Variants in CNTNAP3B observed in about 807,000 individuals in gnomAD.
The protein encoded by CNTNAP3B is contactin-associated protein-like 3B.
In CNTNAP3B, 25 loss-of-function variants were observed where a neutral mutation model predicts 108.9. The observed-to-expected ratio is 0.23, with a 90% CI of 0.17 to 0.32. The LOEUF (loss-of-function observed/expected upper bound fraction) is 0.32, where lower values mean the gene tolerates loss of function less well. Among genes scored for constraint, CNTNAP3B ranks in the 10% least tolerant of loss-of-function variants. The pLI is 1.00. For synonymous variants in CNTNAP3B, 103 were observed against 473.4 expected, an observed-to-expected ratio of 0.22 and a Z score of 10.16; for missense variants, 252 against 1,210.4, an observed-to-expected ratio of 0.21 and a Z score of 11.75.
chr9:42,116,979 C>G (rs1211923147), intron 1 of CNTNAP3B, among the ~76,000 whole-genome samples: 1 of 139,464 alleles, frequency 7.2e-6, no homozygotes, highest in Non-Finnish European at 1.5e-5. Context: ...AGTTAAATAT[C>G]CTAAATATAT....
In CNTNAP3B at chr9:42,111,237, G is replaced by A. The variant is rs185303599; in HGVS notation, c.86-6498C>T. Among the ~76,000 whole-genome samples, 172 of 139,544 alleles carry A rather than the reference G, an allele frequency of 1.2e-3. 24 individuals are homozygous for A. The highest frequency in any genetic ancestry group is 1.9e-3 in the Non-Finnish European group (122 of 64,948). 91.5% of individuals were successfully genotyped at this position (139,544 alleles called of 152,430 possible). On this transcript the variant is annotated intron_variant, in intron 1 of 23. Coordinates refer to ENST00000377561, the MANE Select transcript of CNTNAP3B (RefSeq NM_001201380.3). The stretch of plus-strand genomic sequence containing the variant: ...AATAACAGCAGAACTTGGGACTTTC[G>A]GCTTGAACTCTTGGGAGAAATACCC...
At chr9:41,950,198 C>T (rs556013254) in intron 13 of CNTNAP3B, among the ~76,000 whole-genome samples, 2 of 85,972 alleles carry the variant, frequency 2.3e-5, no homozygotes, top group South Asian at 3.6e-4. Context: ...AAAGATATTA[C>T]TACACAGTTA....
intron 3 of CNTNAP3B, among the ~76,000 whole-genome samples, chr9:42,062,656 C>T (rs1032942435): frequency 8.5e-6 from 1 of 117,566 alleles, no homozygotes; most frequent in Non-Finnish European, 1.8e-5. Context: ...TTAGTTCATT[C>T]TTTTCTGGCT....
At chr9:41,953,142 C>G (rs781538606) in intron 13 of CNTNAP3B, 41 bp downstream of exon 13, 2 of 1,479,876 alleles carry the variant, frequency 1.4e-6, no homozygotes, top group Admixed American at 2.5e-5. Context: ...GGCCGCGCCC[C>G]GGCCTCGTGA....
intron 13 of CNTNAP3B, among the ~76,000 whole-genome samples, chr9:41,944,892 G>T (rs1256868807): frequency 4.0e-5 from 6 of 151,864 alleles, no homozygotes; most frequent in Admixed American, 3.9e-4. Context: ...CTAATATCCA[G>T]AATCTACACA....
At chr9:41,990,904 G>A (rs1250696615) in intron 8 of CNTNAP3B, among the ~76,000 whole-genome samples, 1 of 139,678 alleles carries the variant, frequency 7.2e-6, no homozygotes, top group East Asian at 2.2e-4. Flanking sequence ...AGGCCCTGAT[G>A]GGGAGTGGGG....
At chr9:41,939,033 G>A (rs1429350092) in intron 13 of CNTNAP3B, among the ~76,000 whole-genome samples, 2 of 152,268 alleles carry the variant, frequency 1.3e-5, no homozygotes, top group Non-Finnish European at 2.9e-5. Context: ...CAGCTCTGAC[G>A]AGTGCGCCTC....
intron 14 of CNTNAP3B, among the ~76,000 whole-genome samples, chr9:41,933,465 A>G (rs1430091887): frequency 1.4e-5 from 2 of 140,476 alleles, no homozygotes; most frequent in Admixed American, 7.1e-5. Flanking sequence ...ATTCTCTTGA[A>G]TAAGTTTTGT....
chr9:41,933,982 TCA>T (rs1369597422), intron 14 of CNTNAP3B, among the ~76,000 whole-genome samples: 131 of 137,052 alleles, frequency 9.6e-4, no homozygotes, highest in African/African-American at 3.5e-3. Context: ...GGCTGCTATA[TCA>T]AGTTTGTTAA....
In CNTNAP3B at chr9:41,938,665, A is replaced by C. The variant is rs1238572782; in HGVS notation, c.2081-265T>G. Among the ~76,000 whole-genome samples, 3 of 152,298 alleles carry C rather than the reference A, an allele frequency of 2.0e-5. No homozygotes were observed. In the East Asian group the frequency reaches 5.8e-4, roughly 29 times the overall value. On this transcript the variant is annotated intron_variant, in intron 13 of 23. Coordinates refer to ENST00000377561, the MANE Select transcript of CNTNAP3B (RefSeq NM_001201380.3). ...GAAATCAGTCAGTTGCACGTGATAC[A>C]TACTTTCTATAGAAATAACATTCAA...
chr9:42,033,265 AT>A (rs1365385793), intron 3 of CNTNAP3B, among the ~76,000 whole-genome samples: 2 of 149,566 alleles, frequency 1.3e-5, no homozygotes, highest in Non-Finnish European at 3.0e-5. Context: ...ACTGAAGGCA[AT>A]TTTGAGATAA....
chr9:42,067,042 G>C (rs896525741), intron 3 of CNTNAP3B, among the ~76,000 whole-genome samples: 1 of 152,140 alleles, frequency 6.6e-6, no homozygotes, highest in Non-Finnish European at 1.5e-5. Context: ...AGATTATGCG[G>C]TTTTGCATTG....
chr9:42,089,742 G>C (rs1409386655), intron 2 of CNTNAP3B, among the ~76,000 whole-genome samples: 1 of 147,062 alleles, frequency 6.8e-6, no homozygotes, highest in Non-Finnish European at 1.5e-5. Flanking sequence ...AGAAATATGA[G>C]GAGTGGAGGG....
intron 3 of CNTNAP3B, among the ~76,000 whole-genome samples, chr9:42,071,862 C>A (rs1400609154): frequency 4.7e-5 from 7 of 150,404 alleles, no homozygotes; most frequent in East Asian, 2.0e-4. Flanking sequence ...CTCAAGCCAA[C>A]AATTGGTAAA....
intron 3 of CNTNAP3B, among the ~76,000 whole-genome samples, chr9:42,030,804 A>T (rs1587213250): frequency 1.5e-5 from 1 of 67,560 alleles, no homozygotes; most frequent in African/African-American, 6.0e-5. Flanking sequence ...AGAGAGAGAG[A>T]GAGAGAGAGG....
intron 3 of CNTNAP3B, among the ~76,000 whole-genome samples, chr9:42,047,678 C>T (rs796566944): frequency 1.6e-4 from 3 of 19,278 alleles, no homozygotes; most frequent in African/African-American, 1.5e-4. Flanking sequence ...GCCCCTTCCT[C>T]CCTTCCTTCC....
At chr9:41,953,083 C>T (rs1489058484) in intron 13 of CNTNAP3B, 100 bp downstream of exon 13, 37 of 1,290,812 alleles carry the variant, frequency 2.9e-5, no homozygotes, top group Middle Eastern at 2.7e-4. Flanking sequence ...CTAAGAGCCA[C>T]GGGAGGGACC....
At chr9:41,962,602 C>T (rs1327516467) in intron 11 of CNTNAP3B, among the ~76,000 whole-genome samples, 6 of 141,844 alleles carry the variant, frequency 4.2e-5, no homozygotes, top group African/African-American at 1.6e-4. Flanking sequence ...CCTGCACCAA[C>T]TCTATGACCT....
chr9:41,968,922 G>A (rs1350551104), intron 10 of CNTNAP3B, among the ~76,000 whole-genome samples: 2 of 151,962 alleles, frequency 1.3e-5, no homozygotes, highest in East Asian at 1.9e-4. Flanking sequence ...TCAGCCTGCC[G>A]AGTAGCTGGA....
Sources: allele counts gnomAD v4.1 joint callset (sites outside exome capture counted in the v4.1 genomes callset), GRCh38; gene constraint gnomAD v4.1.1; transcripts MANE v1.5; gene names NCBI Gene and HGNC (gene_info 2026-07-23, HGNC 2026-07-21).